The following ALDH1A2 variants were observed in gnomAD, a reference collection of about 807,000 sequenced individuals.
ALDH1A2 encodes retinal dehydrogenase 2.
ALDH1A2 carries 27 observed loss-of-function variants against 60.3 expected under a neutral mutation model. The observed-to-expected ratio is 0.45, with a 90% confidence interval of 0.33 to 0.62. The LOEUF (loss-of-function observed/expected upper bound fraction) is 0.62, where lower values mean the gene tolerates loss of function less well. Among genes scored for constraint, ALDH1A2 ranks in the 20% least tolerant of loss-of-function variants. The pLI, the probability that ALDH1A2 is intolerant of heterozygous loss-of-function variation, is 0.02. For missense variants in ALDH1A2, 581 were observed against 643.8 expected, an observed-to-expected ratio of 0.90 and a Z score of 1.06; for synonymous variants, 289 against 232.4, an observed-to-expected ratio of 1.24 and a Z score of -2.21.
chr15:58,025,344 CAG>C lies in ALDH1A2; in HGVS notation c.118-11065_118-11064del, dbSNP rs575977741. On this transcript the variant is annotated intron_variant, in intron 1 of 12. Coordinates refer to ENST00000249750, the MANE Select transcript of ALDH1A2 (RefSeq NM_003888.4). The stretch of plus-strand genomic sequence containing the variant: ...CAAAATCAGAATTGAAAATTGAAAA[CAG>C]AGACATTACAATGGATACCACAGTA... Among the ~76,000 whole-genome samples, 148 of 152,118 alleles carry C rather than the reference CAG, an allele frequency of 9.7e-4. 1 individual carries two copies. The highest frequency in any genetic ancestry group is 3.4e-3 in the African/African-American group (143 of 41,508).
intron 7 of ALDH1A2, among the ~76,000 whole-genome samples, chr15:57,974,431 TC>T (rs1423070990): frequency 2.0e-5 from 1 of 49,948 alleles, no homozygotes; most frequent in East Asian, 5.1e-4. Flanking sequence ...AGACTCCATC[TC>T]AAAAAAAAAA....
intron 7 of ALDH1A2, among the ~76,000 whole-genome samples, chr15:57,969,564 C>A (rs1475227831): frequency 6.6e-6 from 1 of 152,062 alleles, no homozygotes; most frequent in African/African-American, 2.4e-5. Flanking sequence ...GAGTGCACGG[C>A]AAGATAAAGG....
intron 7 of ALDH1A2, chr15:57,979,867 T>TGGC (rs1159873060): frequency 9.2e-6 from 3 of 325,154 alleles, no homozygotes; most frequent in African/African-American, 6.5e-5. Flanking sequence ...GCCAAAGACC[T>TGGC]GGCTACTATG....
chr15:57,991,868 A>C (rs1277525089), intron 7 of ALDH1A2, among the ~76,000 whole-genome samples: 1 of 152,174 alleles, frequency 6.6e-6, no homozygotes, highest in African/African-American at 2.4e-5. Flanking sequence ...TGAAACAATG[A>C]ATCAGACTTT....
At chr15:57,956,405 C>G (rs1893527959) in intron 12 of ALDH1A2, among the ~76,000 whole-genome samples, 1 of 152,196 alleles carries the variant, frequency 6.6e-6, no homozygotes, top group Non-Finnish European at 1.5e-5. Flanking sequence ...CTGGGCTTTA[C>G]AAGAGAGACC....
At position 58,036,613 on chromosome 15, in the gene ALDH1A2, C is replaced by A. The variant is rs1595681934; in HGVS notation, c.118-22332G>T. 2 of 151,654 alleles carry A rather than the reference C, an allele frequency of 1.3e-5. 1 individual carries two copies. The highest frequency in any genetic ancestry group is 3.9e-4 in the East Asian group (2 of 5,136). 9.4% of individuals were successfully genotyped at this position (151,654 alleles called of 1,614,324 possible). ...ATACCTGAGCAGAAATTTGACTTCA[C>A]AGAAGACACTGCAAAATATATACTA... On this transcript the variant is annotated intron_variant, in intron 1 of 12. Transcript: ENST00000249750.
At chr15:57,983,906 A>T (rs1894605008) in intron 7 of ALDH1A2, among the ~76,000 whole-genome samples, 1 of 152,240 alleles carries the variant, frequency 6.6e-6, no homozygotes, top group Admixed American at 6.5e-5. Context: ...TGTCAAATGG[A>T]AACCCTGTAT....
chr15:57,957,861 T>A (rs1173432780), intron 12 of ALDH1A2, among the ~76,000 whole-genome samples: 6 of 149,038 alleles, frequency 4.0e-5, no homozygotes, highest in Admixed American at 2.7e-4. Context: ...CAGAGCGGAG[T>A]AAAGTCTCCA....
intron 9 of ALDH1A2, 117 bp downstream of exon 9, chr15:57,963,768 G>A: frequency 2.9e-6 from 3 of 1,042,268 alleles, no homozygotes; most frequent in South Asian, 2.9e-5. Context: ...ACATGGTGGA[G>A]AATAAAGGAG....
chr15:57,963,408 GC>G (rs1280607499), intron 9 of ALDH1A2, among the ~76,000 whole-genome samples: 3 of 150,052 alleles, frequency 2.0e-5, no homozygotes, highest in African/African-American at 7.4e-5. Context: ...GAGTGCAGTG[GC>G]ACAGTCTGTA....
At chr15:58,064,521 T>G (rs1897122224) in intron 1 of ALDH1A2, among the ~76,000 whole-genome samples, 1 of 152,234 alleles carries the variant, frequency 6.6e-6, no homozygotes, top group South Asian at 2.1e-4. Context: ...GAATACATCT[T>G]TAATCAACCT....
chr15:58,023,658 G>GGAAAAAAAAAA lies in ALDH1A2; in HGVS notation c.118-9378_118-9377insTTTTTTTTTTC, dbSNP rs775450508. Among the ~76,000 whole-genome samples, 184 of 129,402 alleles carry GGAAAAAAAAAA rather than the reference G, an allele frequency of 1.4e-3. 1 individual carries two copies. The highest frequency in any genetic ancestry group is 9.9e-3 in the East Asian group (46 of 4,654). The allele number at this position is 129,402 out of a possible 152,430, so 84.9% of individuals were successfully genotyped here. A position where few individuals can be genotyped will look rare whatever the true frequency, so the allele number is the denominator to read the frequency against. On this transcript the variant is annotated intron_variant, in intron 1 of 12. Coordinates refer to ENST00000249750, the MANE Select transcript of ALDH1A2 (RefSeq NM_003888.4). ...TGAGATGGTATATTCAAAGTGCTGG[G>GGAAAAAAAAAA]AAAAAAAAAAAAGGAACTGCCAACC...
At chr15:58,000,895 T>C (rs532332011) in intron 4 of ALDH1A2, among the ~76,000 whole-genome samples, 16 of 152,060 alleles carry the variant, frequency 1.1e-4, no homozygotes, top group Non-Finnish European at 1.6e-4. Flanking sequence ...ACGTGTATTA[T>C]GATGCCCTAT....
chr15:58,045,326 G>T (rs1420943966), intron 1 of ALDH1A2, among the ~76,000 whole-genome samples: 1 of 151,984 alleles, frequency 6.6e-6, no homozygotes, highest in African/African-American at 2.4e-5. Flanking sequence ...CACTGTGGGA[G>T]ACAGTGTGTC....
chr15:57,985,817 A>G (rs995535122), intron 7 of ALDH1A2, among the ~76,000 whole-genome samples: 1 of 152,232 alleles, frequency 6.6e-6, no homozygotes, highest in Non-Finnish European at 1.5e-5. Flanking sequence ...TGAAAGTAAA[A>G]CTTATAAAAA....
intron 1 of ALDH1A2, among the ~76,000 whole-genome samples, chr15:58,029,298 G>C (rs1264937314): frequency 6.6e-6 from 1 of 152,048 alleles, no homozygotes; most frequent in Non-Finnish European, 1.5e-5. Flanking sequence ...ATGACTACTG[G>C]GTAAATAACG....
intron 1 of ALDH1A2, among the ~76,000 whole-genome samples, chr15:58,039,415 T>C (rs1374768633): frequency 6.6e-6 from 1 of 151,736 alleles, no homozygotes; most frequent in African/African-American, 2.4e-5. Flanking sequence ...CTTGCTTCCA[T>C]GTAAATCATG....
chr15:58,028,202 T>C (rs1255772106), intron 1 of ALDH1A2, among the ~76,000 whole-genome samples: 2 of 152,206 alleles, frequency 1.3e-5, no homozygotes, highest in Non-Finnish European at 2.9e-5. Context: ...AGCAGATCCC[T>C]TGGCAGAAGC....
In ALDH1A2 at chr15:58,031,128, C is replaced by A. The variant is rs574497518; in HGVS notation, c.118-16847G>T. On this transcript the variant is annotated intron_variant, in intron 1 of 12. Transcript: ENST00000249750. Reference sequence around the variant, plus strand: ...ATCATGCTACCTGACTTCAAGGCTACAGTAACCAAAACAGCCTGGTACTAG... The same window carrying A: ...ATCATGCTACCTGACTTCAAGGCTAAAGTAACCAAAACAGCCTGGTACTAG... 8.6e-5 allele frequency among the ~76,000 whole-genome samples: 13 copies of A among 151,732 alleles called. 1 individual carries two copies. In the South Asian group the frequency reaches 2.7e-3, roughly 32 times the overall value.
Sources: gnomAD v4.1 joint callset for allele counts (sites outside exome capture counted in the v4.1 genomes callset) on GRCh38, gnomAD v4.1.1 for gene constraint, MANE v1.5 for transcripts, NCBI Gene and HGNC (gene_info 2026-07-23, HGNC 2026-07-21) for gene names.